Variants in NF1 observed in about 807,000 individuals in gnomAD.
NF1 encodes neurofibromin.
In NF1, 122 loss-of-function variants were observed where a neutral mutation model predicts 325.7. The observed-to-expected ratio is 0.37, with a 90% CI of 0.32 to 0.44. The LOEUF is 0.44. Ranked by LOEUF, NF1 falls within the 20% of genes least tolerant of loss-of-function variation. NF1 has a pLI of 1.00. For synonymous variants in NF1, 1,091 were observed against 1,186.0 expected (o/e 0.92, Z 1.65); for missense variants, 2,140 against 3,415.4 (o/e 0.63, Z 9.31).
chr17:31,219,808 A>C (rs1022945366), intron 14 of NF1, among the ~76,000 whole-genome samples: 1 of 152,198 alleles, frequency 6.6e-6, no homozygotes, highest in African/African-American at 2.4e-5. Context: ...ATATAAATAG[A>C]ATCATAGAAT....
At chr17:31,341,594 A>AGTGT (rs760580157) in intron 47 of NF1, among the ~76,000 whole-genome samples, 5,866 of 144,982 alleles carry the variant, frequency 0.04, 369 homozygotes, top group African/African-American at 0.14. Context: ...ATATATATAA[A>AGTGT]GTGTGTGTGT....
chr17:31,312,952 A>G, intron 36 of NF1, among the ~76,000 whole-genome samples: 1 of 152,166 alleles, frequency 6.6e-6, no homozygotes, highest in East Asian at 1.9e-4. Flanking sequence ...CTTCTATCTT[A>G]TACTATGTTC....
At chr17:31,288,522 G>GTTTTTTTT (rs200926157) in intron 36 of NF1, among the ~76,000 whole-genome samples, 7 of 119,666 alleles carry the variant, frequency 5.8e-5, no homozygotes, top group Admixed American at 8.8e-5. Flanking sequence ...TTTTTGCTTT[G>GTTTTTTTT]TTTTTTTTTT....
chr17:31,340,341 T>C (rs1166372662), intron 46 of NF1, 164 bp from the exon 47 acceptor site: 2 of 790,202 alleles, frequency 2.5e-6, no homozygotes, highest in Non-Finnish European at 4.1e-6. Context: ...TCTTTAGTTA[T>C]ACATATGGAA....
At chr17:31,296,126 T>C in intron 36 of NF1, 1 of 1,611,138 alleles carries the variant, frequency 6.2e-7, no homozygotes, top group Non-Finnish European at 8.5e-7. Flanking sequence ...GTTATGCAGA[T>C]CAGTAAAGTG....
At position 31,231,754 on chromosome 17, in the gene NF1, T is replaced by C. The variant is rs2067116399; in HGVS notation, c.3198-319T>C. On this transcript the variant is annotated intron_variant, in intron 24 of 57. Transcript: ENST00000358273. ...TTTTTTTTCCCCCAAATATTTTCAA[T>C]CCATGGGTGGTTGAATCCATGGATA... Among the ~76,000 whole-genome samples the C allele has an allele frequency of 2.6e-5, 4 of 152,122 alleles. No homozygotes were observed. In the South Asian group the frequency reaches 8.3e-4, roughly 32 times the overall value.
chr17:31,107,142 G>A lies in NF1; in HGVS notation c.60+11773G>A, dbSNP rs1479278507. Among the ~76,000 whole-genome samples, 3 of 151,232 alleles carry A rather than the reference G, an allele frequency of 2.0e-5. No homozygotes were observed. In the East Asian group the frequency reaches 5.8e-4, roughly 29 times the overall value. ...TTTTTTCTATCCTCCTGTCTTTATC[G>A]GTGCCTTCTATTCCTGTCCCACCTT... is the stretch of plus-strand genomic sequence containing the variant. On this transcript the variant is annotated intron_variant, in intron 1 of 57. Coordinates refer to ENST00000358273, the MANE Select transcript of NF1 (RefSeq NM_001042492.3).
At chr17:31,234,394 C>T (rs2067164493) in intron 27 of NF1, among the ~76,000 whole-genome samples, 1 of 152,046 alleles carries the variant, frequency 6.6e-6, no homozygotes, top group Non-Finnish European at 1.5e-5. Context: ...CAGTTAAGGG[C>T]CGGGTGTGGT....
At position 31,181,426 on chromosome 17, in the gene NF1, A is replaced by G; in HGVS notation, c.591A>G (p.Thr197=). The G allele has an allele frequency of 6.2e-7, 1 of 1,613,120 alleles. No homozygotes were observed. The stretch of plus-strand genomic sequence containing the variant: ...TAAAAATTGTGTTTTTTCCAGAAAC[A>G]GCATTTAAATTTAAAGCCCTAAAGA... ...CAKLKRLLKE[T]AFKFKALKKV... Residue 197 remains threonine (T), a synonymous_variant, in exon 6 of 58, where the codon ACA becomes ACG. Transcript: ENST00000358273.
At chr17:31,115,485 A>G (rs1054602456) in intron 1 of NF1, among the ~76,000 whole-genome samples, 1 of 152,200 alleles carries the variant, frequency 6.6e-6, no homozygotes, top group Non-Finnish European at 1.5e-5. Context: ...ATTTTTAGGA[A>G]TAATAGAGGA....
intron 1 of NF1, among the ~76,000 whole-genome samples, chr17:31,131,693 G>C (rs1915406870): frequency 6.6e-6 from 1 of 152,174 alleles, no homozygotes; most frequent in Non-Finnish European, 1.5e-5. Context: ...CAAATCAGTT[G>C]TTGGTGTAAA....
intron 57 of NF1, among the ~76,000 whole-genome samples, chr17:31,366,680 A>G (rs1402980894): frequency 6.6e-6 from 1 of 152,146 alleles, no homozygotes; most frequent in Non-Finnish European, 1.5e-5. Flanking sequence ...CTTGAGCCCA[A>G]GAGTTCAAGT....
chr17:31,249,672 C>T (rs1459698004), intron 30 of NF1, among the ~76,000 whole-genome samples: 2 of 152,232 alleles, frequency 1.3e-5, no homozygotes, highest in South Asian at 2.1e-4. Context: ...CTAACACTAG[C>T]ACTGCAAGTA....
intron 1 of NF1, among the ~76,000 whole-genome samples, chr17:31,098,442 G>T (rs995100658): frequency 3.3e-5 from 5 of 152,022 alleles, no homozygotes; most frequent in Admixed American, 6.5e-5. Context: ...TTGGCTTACT[G>T]CAACCTCTGC....
intron 1 of NF1, among the ~76,000 whole-genome samples, chr17:31,146,728 GGGGAGCCTGGAGCGAGAAT>G (rs1411291696): frequency 1.3e-5 from 2 of 152,216 alleles, no homozygotes; most frequent in African/African-American, 4.8e-5. Context: ...CAACCCCCAC[GGGGAGCCTGGAGCGAGAAT>G]GGGAGCCTGG....
chr17:31,245,288 A>AT (rs2067371131), intron 29 of NF1, among the ~76,000 whole-genome samples: 1 of 152,196 alleles, frequency 6.6e-6, no homozygotes, highest in African/African-American at 2.4e-5. Context: ...TATAATCCCC[A>AT]TATTTAGGCT....
intron 57 of NF1, 38 bp downstream of exon 57, chr17:31,360,741 A>C: frequency 6.5e-7 from 1 of 1,529,420 alleles, no homozygotes; most frequent in Non-Finnish European, 9.1e-7. Flanking sequence ...TTGAGCAACA[A>C]TATAAGACAC....
chr17:31,362,387 A>G, intron 57 of NF1: 1 of 976,904 alleles, frequency 1.0e-6, no homozygotes, highest in Non-Finnish European at 1.2e-6. Flanking sequence ...TAGGCTCACA[A>G]TATTGTGTAC....
chr17:31,300,783 C>T (rs999605902), intron 36 of NF1, among the ~76,000 whole-genome samples: 1 of 152,026 alleles, frequency 6.6e-6, no homozygotes, highest in Admixed American at 6.5e-5. Flanking sequence ...ATCATGGTGT[C>T]GAGTTCTATA....
Sources: gnomAD v4.1 joint callset for allele counts (sites outside exome capture counted in the v4.1 genomes callset) on GRCh38, gnomAD v4.1.1 for gene constraint, MANE v1.5 for transcripts, NCBI Gene and HGNC (gene_info 2026-07-23, HGNC 2026-07-21) for gene names.